STIP1: variants seen among roughly 807,000 people sequenced by gnomAD.
STIP1 encodes stress-induced-phosphoprotein 1.
In STIP1, 16 loss-of-function variants were observed where a neutral mutation model predicts 77.4. That is an observed-to-expected ratio of 0.21 (90% CI 0.14 to 0.31). The LOEUF (loss-of-function observed/expected upper bound fraction) is 0.31, where lower values mean the gene tolerates loss of function less well. STIP1 is among the 10% of genes least tolerant of loss of function. The pLI, the probability that STIP1 is intolerant of heterozygous loss-of-function variation, is 1.00. For missense variants in STIP1, 524 were observed against 684.8 expected (o/e 0.77, Z 2.62); for synonymous variants, 258 against 246.6 (o/e 1.05, Z -0.44).
chr11:64,190,914 G>T (rs985563733), intron 1 of STIP1, among the ~76,000 whole-genome samples: 1 of 152,192 alleles, frequency 6.6e-6, no homozygotes, highest in African/African-American at 2.4e-5. Flanking sequence ...TTGGCCGGGC[G>T]CAGTGGCTCA....
At chr11:64,194,440 A>T (rs1946125793) in intron 3 of STIP1, 39 bp from the exon 4 acceptor site, 1 of 1,612,776 alleles carries the variant, frequency 6.2e-7, no homozygotes, top group Admixed American at 1.7e-5. Flanking sequence ...ATTCTAGTGA[A>T]CTCATTTCAT....
At position 64,204,452 on chromosome 11, in the gene STIP1, G is replaced by C; in HGVS notation, c.*326G>C. 2 of 353,708 alleles carry C rather than the reference G, an allele frequency of 5.7e-6. No individual in the cohort carries two copies. The highest frequency in any genetic ancestry group is 1.0e-5 in the Non-Finnish European group (2 of 195,100). 21.9% of individuals were successfully genotyped at this position (353,708 alleles called of 1,614,324 possible). On this transcript the variant is annotated 3_prime_UTR_variant, in exon 14 of 14. Transcript: ENST00000305218. ...CAGTGGGCATGTTATGGGGAGGGGA[G>C]GGGGTTCTTCCAGCCTCAGGTCCCA...
chr11:64,197,511 G>A lies in STIP1; in HGVS notation c.818G>A (p.Gly273Asp). Residue 273 changes from glycine (G) to aspartate (D), a missense_variant, in exon 7 of 14, where the codon GGC (glycine) becomes GAC (aspartate). Gly to Asp is a moderately conservative substitution (Grantham distance 94, BLOSUM62 -1). Coordinates refer to ENST00000305218, the MANE Select transcript of STIP1 (RefSeq NM_006819.3). Reference sequence around the variant, plus strand: ...CTGGCAGCGGTATACTTTGAAAAGGGCGACTACAATAAGTGCCGGGAGCTT... The same window carrying A: ...CTGGCAGCGGTATACTTTGAAAAGGACGACTACAATAAGTGCCGGGAGCTT... ...TNQAAVYFEK[G>D]DYNKCRELCE... 2 of 1,614,164 alleles carry A rather than the reference G, an allele frequency of 1.2e-6. No homozygotes were observed. The highest frequency in any genetic ancestry group is 1.3e-5 in the African/African-American group (1 of 75,028).
intron 4 of STIP1, among the ~76,000 whole-genome samples, chr11:64,195,086 C>T (rs750496200): frequency 3.9e-5 from 6 of 152,130 alleles, no homozygotes; most frequent in Non-Finnish European, 5.9e-5. Context: ...ATAAACTTGA[C>T]CTCTGTGACT....
At chr11:64,185,700 T>C (rs2134773400), upstream of STIP1, 3 of 1,323,568 alleles carry the variant, frequency 2.3e-6, no homozygotes, top group Middle Eastern at 6.3e-4. Flanking sequence ...CAGCCGGTAC[T>C]CCCATATATC....
Position 64,195,716 on chromosome 11 carries a change from A to T in STIP1, c.575A>T (p.Glu192Val). 1 of 1,614,116 alleles carries T rather than the reference A, an allele frequency of 6.2e-7. No individual in the cohort carries two copies. Among genetic ancestry groups the T allele is most frequent in the Non-Finnish European group, 8.5e-7 (1 of 1,180,026 alleles). The change falls in exon 5 of 14, where the codon GAG (glutamate) becomes GTG (valine). Residue 192 changes from glutamate to valine, a missense_variant. Glu to Val is a moderately radical substitution (Grantham distance 121). Coordinates refer to ENST00000305218, the MANE Select transcript of STIP1 (RefSeq NM_006819.3). ...LLGVDLGSMD[E>V]EEEIATPPPP... Reference sequence around the variant, plus strand: ...GGGGTCGATCTGGGCAGTATGGATGAGGAGGAAGAGATTGCAACACCTCCA... The same window carrying T: ...GGGGTCGATCTGGGCAGTATGGATGTGGAGGAAGAGATTGCAACACCTCCA...
rs929735991 is a variant in STIP1, at chr11:64,195,263, G to A, written c.504-382G>A. Among the ~76,000 whole-genome samples, 6 of 152,112 alleles carry A rather than the reference G, an allele frequency of 3.9e-5. No individual in the cohort carries two copies. In the East Asian group the frequency reaches 9.7e-4, roughly 25 times the overall value. On this transcript the variant is annotated intron_variant, in intron 4 of 13. Coordinates refer to ENST00000305218, the MANE Select transcript of STIP1 (RefSeq NM_006819.3). ...TGAGTAGCTGGGATTACAGGTGTACGCCACCACGCCCAGCTAATTTTTGTA... is the reference window on the plus strand; with the variant it reads ...TGAGTAGCTGGGATTACAGGTGTACACCACCACGCCCAGCTAATTTTTGTA...
intron 1 of STIP1, 149 bp downstream of exon 1, chr11:64,186,419 CGCGGGCG>C (rs1022638530): frequency 1.8e-5 from 16 of 882,578 alleles, no homozygotes; most frequent in African/African-American, 1.8e-4. Flanking sequence ...AGGTGAGGGC[CGCGGGCG>C]GCGGGCGGGA....
intron 5 of STIP1, 45 bp downstream of exon 5, chr11:64,195,858 TA>T: frequency 1.9e-6 from 3 of 1,610,908 alleles, no homozygotes; most frequent in Middle Eastern, 3.3e-4. Flanking sequence ...TATAAACAAC[TA>T]GAAATCTTTA....
chr11:64,192,817 C>G (rs566101112), intron 1 of STIP1, among the ~76,000 whole-genome samples: 4 of 152,304 alleles, frequency 2.6e-5, no homozygotes, highest in African/African-American at 9.6e-5. Flanking sequence ...ATGTGGAGAC[C>G]GGAAGAGTGG....
chr11:64,185,599 G>A, upstream of STIP1: 1 of 587,022 alleles, frequency 1.7e-6, no homozygotes, highest in Non-Finnish European at 3.0e-6. Flanking sequence ...CGATCCCGGG[G>A]ACCGCCTGGA....
chr11:64,198,507 G>A (rs1313226766), intron 8 of STIP1, among the ~76,000 whole-genome samples: 2 of 151,992 alleles, frequency 1.3e-5, no homozygotes, highest in South Asian at 4.2e-4. Context: ...GCCTGGCCAC[G>A]TCCAGCTAAT....
chr11:64,197,305 A>G lies in STIP1; in HGVS notation c.707A>G (p.Tyr236Cys), dbSNP rs1946161631. ...GAAAAAGAGCTGGGGAACGATGCCT[A>G]CAAGAAGAAAGACTTTGACACAGCC... Reference protein sequence around the residue: ...LKEKELGNDAYKKKDFDTALK... With the variant: ...LKEKELGNDACKKKDFDTALK... Residue 236 changes from tyrosine (Y) to cysteine (C), a missense_variant, in exon 6 of 14, where the codon TAC becomes TGC. Tyr to Cys is a radical substitution (Grantham distance 194, BLOSUM62 -2). Coordinates refer to ENST00000305218, the MANE Select transcript of STIP1 (RefSeq NM_006819.3). 1 of 1,614,084 alleles carries G rather than the reference A, an allele frequency of 6.2e-7. No homozygotes were observed. The highest frequency in any genetic ancestry group is 8.5e-7 in the Non-Finnish European group (1 of 1,180,012).
At chr11:64,199,454 C>T (rs1329460734) in intron 8 of STIP1, among the ~76,000 whole-genome samples, 1 of 142,578 alleles carries the variant, frequency 7.0e-6, no homozygotes, top group Non-Finnish European at 1.5e-5. Context: ...TTGCAGTGAG[C>T]CGAGATCGCG....
chr11:64,204,468 T>C lies in STIP1; in HGVS notation c.*342T>C. The stretch of plus-strand genomic sequence containing the variant: ...GGGAGGGGAGGGGGTTCTTCCAGCC[T>C]CAGGTCCCAGCTGTCTCACGTTGTT... On this transcript the variant is annotated 3_prime_UTR_variant, in exon 14 of 14. Coordinates refer to ENST00000305218, the MANE Select transcript of STIP1 (RefSeq NM_006819.3). 3.0e-6 allele frequency: 1 copy of C among 328,118 alleles called. No individual in the cohort carries two copies. Among genetic ancestry groups the C allele is most frequent in the Non-Finnish European group, 5.6e-6 (1 of 179,268 alleles). 20.3% of individuals were successfully genotyped at this position (328,118 alleles called of 1,614,324 possible). A position where few individuals can be genotyped will look rare whatever the true frequency, so the allele number is the denominator to read the frequency against.
chr11:64,188,227 C>A (rs1946049239), intron 1 of STIP1, among the ~76,000 whole-genome samples: 1 of 151,484 alleles, frequency 6.6e-6, no homozygotes, highest in Admixed American at 6.6e-5. Flanking sequence ...GCCTGTAATC[C>A]CAGCTATTGG....
intron 10 of STIP1, among the ~76,000 whole-genome samples, chr11:64,200,775 A>C (rs996538303): frequency 6.6e-6 from 1 of 151,978 alleles, no homozygotes; most frequent in Admixed American, 6.6e-5. Context: ...TAAGAAGTGG[A>C]ATTGCTGGGT....
At chr11:64,195,622 T>G (rs772427472) in intron 4 of STIP1, 23 bp from the exon 5 acceptor site, 1 of 1,549,182 alleles carries the variant, frequency 6.5e-7, no homozygotes, top group Non-Finnish European at 8.7e-7. Context: ...CAATTTTTCT[T>G]TATTTTTTTA....
rs566410517 is a variant in STIP1 at position 64,199,688 on chromosome 11, C to T, written c.1024-252C>T. ...ACGCCATTCTCCTGCCTCAGTCTCC[C>T]GAGTAGCTGGGACTACAGGCTCCCG... On this transcript the variant is annotated intron_variant, in intron 8 of 13. Coordinates refer to ENST00000305218, the MANE Select transcript of STIP1 (RefSeq NM_006819.3). 1.2e-3 allele frequency among the ~76,000 whole-genome samples: 186 copies of T among 150,282 alleles called. 5 individuals carry two copies. In the South Asian group the frequency reaches 0.038, roughly 31 times the overall value.
Sources: gnomAD v4.1 joint callset for allele counts (sites outside exome capture counted in the v4.1 genomes callset) on GRCh38, gnomAD v4.1.1 for gene constraint, MANE v1.5 for transcripts, NCBI Gene and HGNC (gene_info 2026-07-23, HGNC 2026-07-21) for gene names.